Variants in KCNN3 observed in about 807,000 individuals in gnomAD.
KCNN3 encodes small conductance calcium-activated potassium channel protein 3.
In KCNN3, 16 loss-of-function variants were observed where a neutral mutation model predicts 62.9. The observed-to-expected ratio is 0.25, with a 90% confidence interval of 0.17 to 0.39. The LOEUF (loss-of-function observed/expected upper bound fraction) is 0.39, where lower values mean the gene tolerates loss of function less well. Ranked by LOEUF, KCNN3 falls within the 10% of genes least tolerant of loss-of-function variation. The probability of loss-of-function intolerance (pLI) is 1.00; values close to 1 mark genes in which losing one functional copy is unlikely to be tolerated. For synonymous variants in KCNN3, 370 were observed against 389.2 expected (o/e 0.95, Z 0.58); for missense variants, 599 against 949.4 (o/e 0.63, Z 4.85).
rs1207246104 is a variant in KCNN3 at position 154,704,829 on chromosome 1, C to G, written c.*3147G>C. On this transcript the variant is annotated 3_prime_UTR_variant, in exon 8 of 8. Coordinates refer to ENST00000271915, the MANE Select transcript of KCNN3 (RefSeq NM_002249.6). Reference sequence around the variant, plus strand: ...TTGCTCGGTCACCCAAGCTGGAGTGCAATGGCACGATCTTGGCTCACTGCA... The same window carrying G: ...TTGCTCGGTCACCCAAGCTGGAGTGGAATGGCACGATCTTGGCTCACTGCA... 1 of 150,338 alleles carries G rather than the reference C, an allele frequency of 6.7e-6. No homozygotes were observed. The allele number at this position is 150,338 out of a possible 1,614,324, so 9.3% of individuals were successfully genotyped here. A position where few individuals can be genotyped will look rare whatever the true frequency, so the allele number is the denominator to read the frequency against.
intron 3 of KCNN3, among the ~76,000 whole-genome samples, chr1:154,761,900 A>T (rs1042360305): frequency 1.6e-4 from 24 of 152,224 alleles, no homozygotes; most frequent in African/African-American, 5.8e-4. Flanking sequence ...AGATGGCGCC[A>T]CTGCACTCCA....
At chr1:154,786,131 C>T (rs1285122791) in intron 2 of KCNN3, among the ~76,000 whole-genome samples, 2 of 152,204 alleles carry the variant, frequency 1.3e-5, no homozygotes, top group Middle Eastern at 3.2e-3. Flanking sequence ...AGCAGGGGTC[C>T]TTGAGGACAG....
At chr1:154,796,390 C>G (rs1361055683) in intron 2 of KCNN3, among the ~76,000 whole-genome samples, 1 of 152,286 alleles carries the variant, frequency 6.6e-6, no homozygotes, top group African/African-American at 2.4e-5. Flanking sequence ...TATCATCTCC[C>G]ACCCGTCTGG....
Position 154,733,057 on chromosome 1 carries a change from G to A in KCNN3, c.1536C>T (p.Asp512=), listed in dbSNP as rs779516843. 10 of 1,613,826 alleles carry A rather than the reference G, an allele frequency of 6.2e-6. No individual in the cohort carries two copies. The highest frequency in any genetic ancestry group is 7.6e-6 in the Non-Finnish European group (9 of 1,179,856). Residue 512 remains aspartate, a synonymous_variant, in exon 4 of 8, where the codon GAC becomes GAT. Coordinates refer to ENST00000271915, the MANE Select transcript of KCNN3 (RefSeq NM_002249.6). ...TCCCACAGTATGTGTGGGGCACCAT[G>A]TCCCCATAACCAATGGAAAGGAATG... is the stretch of plus-strand genomic sequence containing the variant. The part of the protein sequence containing the change: ...SITFLSIGYG[D]MVPHTYCGKG...
chr1:154,826,889 T>C (rs1461259162), intron 1 of KCNN3, among the ~76,000 whole-genome samples: 1 of 152,210 alleles, frequency 6.6e-6, no homozygotes, highest in Non-Finnish European at 1.5e-5. Flanking sequence ...CAAACTGAAA[T>C]ATTAGCTTAA....
chr1:154,827,700 G>A (rs889282838), intron 1 of KCNN3, among the ~76,000 whole-genome samples: 1 of 152,092 alleles, frequency 6.6e-6, no homozygotes, highest in Non-Finnish European at 1.5e-5. Flanking sequence ...TCAGGAGGCT[G>A]AGGCAGGAGA....
rs67091748 is a variant in KCNN3, at chr1:154,702,700, GATATATATATATATATATAT to G, written c.*5256_*5275del. On this transcript the variant is annotated 3_prime_UTR_variant, in exon 8 of 8. Transcript: ENST00000271915. ...ACGTTGGCTGCTTCGATCTGATTCA[GATATATATATATATATATAT>G]ATATATATATATATATATATATATA... The G allele has an allele frequency of 0.012, 514 of 43,074 alleles. 17 individuals carry two copies. Among genetic ancestry groups the G allele is most frequent in the Middle Eastern group, 0.076 (7 of 92 alleles). 2.7% of individuals were successfully genotyped at this position (43,074 alleles called of 1,614,324 possible). A position where few individuals can be genotyped will look rare whatever the true frequency, so the allele number is the denominator to read the frequency against.
At chr1:154,778,863 A>G (rs1219821680) in intron 2 of KCNN3, among the ~76,000 whole-genome samples, 1 of 152,018 alleles carries the variant, frequency 6.6e-6, no homozygotes, top group African/African-American at 2.4e-5. Context: ...TGGCCTCCCA[A>G]AGTGCTGGGA....
At chr1:154,843,325 C>A (rs1159398859) in intron 1 of KCNN3, among the ~76,000 whole-genome samples, 2 of 152,168 alleles carry the variant, frequency 1.3e-5, no homozygotes, top group Non-Finnish European at 2.9e-5. Flanking sequence ...AAAAAGCCAG[C>A]TGCCTGGCTC....
At chr1:154,712,028 CAG>C (rs1181030869) in intron 7 of KCNN3, among the ~76,000 whole-genome samples, 4 of 149,574 alleles carry the variant, frequency 2.7e-5, no homozygotes, top group African/African-American at 9.9e-5. Flanking sequence ...AAGAGAGAGA[CAG>C]GGAAAGGGAG....
intron 2 of KCNN3, among the ~76,000 whole-genome samples, chr1:154,815,334 TC>T (rs1650617302): frequency 6.6e-6 from 1 of 152,060 alleles, no homozygotes. Context: ...TCTTTTTTTT[TC>T]CTCTCCTGAA....
chr1:154,841,109 G>T (rs975815899), intron 1 of KCNN3, among the ~76,000 whole-genome samples: 18 of 152,304 alleles, frequency 1.2e-4, no homozygotes, highest in Admixed American at 7.8e-4. Context: ...TGGTGAGGGC[G>T]CAAGGGAGGG....
intron 1 of KCNN3, among the ~76,000 whole-genome samples, chr1:154,842,507 C>T (rs1159452137): frequency 1.3e-5 from 2 of 152,126 alleles, no homozygotes; most frequent in South Asian, 2.1e-4. Context: ...CAGAAGGGGG[C>T]TATAAGCAAC....
At chr1:154,839,132 C>T (rs1421114475) in intron 1 of KCNN3, among the ~76,000 whole-genome samples, 2 of 152,150 alleles carry the variant, frequency 1.3e-5, no homozygotes, top group Non-Finnish European at 2.9e-5. Context: ...CGCTGTGTAG[C>T]GATGGCAAAG....
intron 1 of KCNN3, among the ~76,000 whole-genome samples, chr1:154,845,901 G>A (rs574375483): frequency 6.6e-6 from 1 of 152,322 alleles, no homozygotes; most frequent in East Asian, 1.9e-4. Context: ...GTCCAGGCTA[G>A]AGAAATGTGA....
chr1:154,715,433 C>CAAAA (rs68051927), intron 5 of KCNN3, among the ~76,000 whole-genome samples: 1 of 104,030 alleles, frequency 9.6e-6, no homozygotes, highest in Admixed American at 1.1e-4. Flanking sequence ...AACTCCATCT[C>CAAAA]AAAAAAAAAA....
At chr1:154,847,884 G>A (rs150391034) in intron 1 of KCNN3, among the ~76,000 whole-genome samples, 33 of 152,332 alleles carry the variant, frequency 2.2e-4, no homozygotes, top group African/African-American at 7.5e-4. Flanking sequence ...CACAGACACT[G>A]AAGTTCAGGG....
chr1:154,760,286 C>T (rs1054156216), intron 3 of KCNN3, among the ~76,000 whole-genome samples: 4 of 151,274 alleles, frequency 2.6e-5, no homozygotes, highest in Non-Finnish European at 4.4e-5. Context: ...AAACTAGCCA[C>T]GAATGAGCAG....
intron 1 of KCNN3, among the ~76,000 whole-genome samples, chr1:154,824,586 T>G (rs6681725): frequency 0.24 from 36,449 of 152,006 alleles, 6,061 homozygotes; most frequent in East Asian, 0.53. Flanking sequence ...ATGTTTTCCA[T>G]CCAGAAATGA....
Sources: gnomAD v4.1 joint callset for allele counts (sites outside exome capture counted in the v4.1 genomes callset) on GRCh38, gnomAD v4.1.1 for gene constraint, MANE v1.5 for transcripts, NCBI Gene and HGNC (gene_info 2026-07-23, HGNC 2026-07-21) for gene names.